The following ARHGAP23 variants were observed in gnomAD, a reference collection of about 807,000 sequenced individuals.
ARHGAP23 encodes the protein Rho GTPase activating protein 23.
ARHGAP23 carries 34 observed loss-of-function variants against 136.3 expected under a neutral mutation model. The observed-to-expected ratio is 0.25, with a 90% CI of 0.19 to 0.33. The LOEUF (loss-of-function observed/expected upper bound fraction) is 0.33. Among genes scored for constraint, ARHGAP23 ranks in the 10% least tolerant of loss-of-function variants. The pLI is 1.00. For synonymous variants in ARHGAP23, 832 were observed against 920.5 expected (o/e 0.90, Z 1.74); for missense variants, 1,808 against 2,139.0 (o/e 0.85, Z 3.05).
At chr17:38,481,723 C>T (rs942539014) in intron 14 of ARHGAP23, among the ~76,000 whole-genome samples, 6 of 152,186 alleles carry the variant, frequency 3.9e-5, no homozygotes, top group Admixed American at 3.9e-4. Context: ...CATACCACTG[C>T]ACTACAGCCT....
intron 17 of ARHGAP23, among the ~76,000 whole-genome samples, chr17:38,488,715 A>T (rs1391185208): frequency 2.6e-5 from 4 of 151,764 alleles, no homozygotes; most frequent in African/African-American, 9.7e-5. Flanking sequence ...TGCCCAGCTA[A>T]TTTTTGTATT....
chr17:38,495,921 G>C (rs894828270), intron 20 of ARHGAP23, among the ~76,000 whole-genome samples: 2 of 151,914 alleles, frequency 1.3e-5, no homozygotes, highest in African/African-American at 4.8e-5. Context: ...TTTTGAGATG[G>C]AGTTTCACTC....
chr17:38,500,665 T>C (rs2040500314), intron 23 of ARHGAP23, 37 bp downstream of exon 23: 3 of 1,539,336 alleles, frequency 1.9e-6, no homozygotes, highest in Non-Finnish European at 2.6e-6. Context: ...TTGATCCCTG[T>C]ACAAGGCAGC....
rs377221251 is a variant in ARHGAP23, at chr17:38,458,237, G to A, written c.199G>A (p.Glu67Lys). Reference sequence around the variant, plus strand: ...GCGCCACTTCATCGTGTACCCACCCGAGTCGGCCGTGCACTGCAGCCTGAA... The same window carrying A: ...GCGCCACTTCATCGTGTACCCACCCAAGTCGGCCGTGCACTGCAGCCTGAA... Reference protein sequence around the residue: ...TLRHFIVYPPESAVHCSLKEE... With the variant: ...TLRHFIVYPPKSAVHCSLKEE... Residue 67 changes from glutamate (E) to lysine (K), a missense_variant, in exon 2 of 24, where the codon GAG (glutamate) becomes AAG (lysine). Transcript: ENST00000622683. 9 of 1,532,988 alleles carry A rather than the reference G, an allele frequency of 5.9e-6. No homozygotes were observed. The highest frequency in any genetic ancestry group is 4.1e-5 in the African/African-American group (3 of 72,984). The allele number at this position is 1,532,988 out of a possible 1,614,324, so 95.0% of individuals were successfully genotyped here.
intron 6 of ARHGAP23, among the ~76,000 whole-genome samples, chr17:38,464,829 C>A (rs577096563): frequency 6.6e-6 from 1 of 152,302 alleles, no homozygotes; most frequent in African/African-American, 2.4e-5. Context: ...CACTGGCCCC[C>A]GCATCTCTGC....
chr17:38,429,439 C>T (rs183526271), intron 1 of ARHGAP23, among the ~76,000 whole-genome samples: 1 of 152,218 alleles, frequency 6.6e-6, no homozygotes, highest in African/African-American at 2.4e-5. Context: ...TCCCTGAGCT[C>T]GGAAAAGAAA....
Position 38,440,118 on chromosome 17 carries a change from A to C in ARHGAP23, c.63+11570A>C, listed in dbSNP as rs527946748. Among the ~76,000 whole-genome samples the C allele has an allele frequency of 4.6e-5, 7 of 152,252 alleles. No individual in the cohort carries two copies. In the South Asian group the frequency reaches 1.5e-3, roughly 32 times the overall value. ...CTCACTGCAACCTCCTCCTGGGTTC[A>C]AGCGATTCTCCTGCCTCAGCCTCCC... is the stretch of plus-strand genomic sequence containing the variant. On this transcript the variant is annotated intron_variant, in intron 1 of 23. Transcript: ENST00000622683.
At chr17:38,459,320 CTG>C (rs1483679758) in intron 2 of ARHGAP23, among the ~76,000 whole-genome samples, 1 of 152,192 alleles carries the variant, frequency 6.6e-6, no homozygotes, top group Non-Finnish European at 1.5e-5. Context: ...GTGTATCTCT[CTG>C]TGTGCATATA....
chr17:38,470,656 C>T (rs985757617), intron 10 of ARHGAP23, among the ~76,000 whole-genome samples: 2 of 152,058 alleles, frequency 1.3e-5, no homozygotes, highest in African/African-American at 4.8e-5. Flanking sequence ...CCTGCCTCAG[C>T]CTCCCGAGCA....
chr17:38,436,559 G>A (rs6503620), intron 1 of ARHGAP23, among the ~76,000 whole-genome samples: 71,988 of 152,158 alleles, frequency 0.47, 19,086 homozygotes, highest in East Asian at 0.68. Context: ...CTGGTTGCTC[G>A]TGCTCTGCGT....
At chr17:38,485,986 C>G in intron 16 of ARHGAP23, 76 bp from the exon 17 acceptor site, 12 of 1,399,526 alleles carry the variant, frequency 8.6e-6, no homozygotes, top group Non-Finnish European at 1.1e-5. Flanking sequence ...CTTGATTGGG[C>G]TCTGGGGTGA....
rs544299421 is a variant in ARHGAP23, at chr17:38,479,943, G to A, written c.2629+60G>A. On this transcript the variant is annotated intron_variant, in intron 14 of 23. Coordinates refer to ENST00000622683, the MANE Select transcript of ARHGAP23 (RefSeq NM_001199417.2). ...GGGGGCAGGGGGCATGGGGAGGGGA[G>A]GGCACGCGTGTGTGTGTTGGGCTGT... is the stretch of plus-strand genomic sequence containing the variant. 305 of 1,532,356 alleles carry A rather than the reference G, an allele frequency of 2.0e-4. 1 individual carries two copies. In the African/African-American group the frequency reaches 3.7e-3, roughly 19 times the overall value. The allele number at this position is 1,532,356 out of a possible 1,614,324, so 94.9% of individuals were successfully genotyped here. A position where few individuals can be genotyped will look rare whatever the true frequency, so the allele number is the denominator to read the frequency against.
chr17:38,479,792 C>T lies in ARHGAP23; in HGVS notation c.2538C>T (p.Gly846=), dbSNP rs953055438. The T allele has an allele frequency of 6.6e-7, 1 of 1,512,152 alleles. No homozygotes were observed. Among genetic ancestry groups the T allele is most frequent in the African/African-American group, 1.4e-5 (1 of 71,688 alleles). 93.7% of individuals were successfully genotyped at this position (1,512,152 alleles called of 1,614,324 possible). The change falls in exon 14 of 24, where the codon GGC becomes GGT. Residue 846 remains glycine, a synonymous_variant. Coordinates refer to ENST00000622683, the MANE Select transcript of ARHGAP23 (RefSeq NM_001199417.2). ...CCAAAGCTGATTCCTCCCCCAAAGG[C>T]TCTCGCGGCCTGGGGGGCCTCAAGT... is the stretch of plus-strand genomic sequence containing the variant. ...SGPKADSSPK[G]SRGLGGLKSE... is the part of the protein sequence containing the mutation.
upstream of ARHGAP23, among the ~76,000 whole-genome samples, chr17:38,423,886 G>A (rs752888550): frequency 6.6e-6 from 1 of 152,176 alleles, no homozygotes; most frequent in Non-Finnish European, 1.5e-5. Context: ...CTGGGGCCAG[G>A]TGTAGGTGCC....
chr17:38,460,807 T>TG (rs1271358856), intron 2 of ARHGAP23, 98 bp from the exon 3 acceptor site: 65 of 1,534,688 alleles, frequency 4.2e-5, no homozygotes, highest in Non-Finnish European at 5.3e-5. Flanking sequence ...AGATAAGGGG[T>TG]GGCGGGAACC....
chr17:38,460,801 A>G (rs1038094353), intron 2 of ARHGAP23, 104 bp from the exon 3 acceptor site: 16 of 1,534,402 alleles, frequency 1.0e-5, no homozygotes, highest in Non-Finnish European at 1.2e-5. Flanking sequence ...GGGAGGAGAT[A>G]AGGGGTGGCG....
rs1338979286 is a variant in ARHGAP23 at position 38,511,760 on chromosome 17, T to A, written c.*788T>A. On this transcript the variant is annotated 3_prime_UTR_variant, in exon 24 of 24. Coordinates refer to ENST00000622683, the MANE Select transcript of ARHGAP23 (RefSeq NM_001199417.2). Reference sequence around the variant, plus strand: ...AGTTTTTGGTGGGGGGGGTCCAGGGTCCCCCTTGCTGGTACCTCCCTCACC... The same window carrying A: ...AGTTTTTGGTGGGGGGGGTCCAGGGACCCCCTTGCTGGTACCTCCCTCACC... 6.6e-6 allele frequency: 1 copy of A among 151,904 alleles called. No individual in the cohort carries two copies. Among genetic ancestry groups the A allele is most frequent in the Non-Finnish European group, 1.5e-5 (1 of 68,052 alleles). 9.4% of individuals were successfully genotyped at this position (151,904 alleles called of 1,614,324 possible).
intron 6 of ARHGAP23, among the ~76,000 whole-genome samples, chr17:38,464,452 C>T (rs1405559222): frequency 3.9e-5 from 6 of 152,232 alleles, no homozygotes; most frequent in Admixed American, 1.3e-4. Flanking sequence ...CCCTGGGAGC[C>T]GCTGTGCTGG....
At chr17:38,440,836 G>A (rs2038904746) in intron 1 of ARHGAP23, among the ~76,000 whole-genome samples, 1 of 152,198 alleles carries the variant, frequency 6.6e-6, no homozygotes, top group African/African-American at 2.4e-5. Context: ...TAATTTCCAG[G>A]TGCCCAGCTG....
Sources: allele counts gnomAD v4.1 joint callset (sites outside exome capture counted in the v4.1 genomes callset), GRCh38; gene constraint gnomAD v4.1.1; transcripts MANE v1.5; gene names NCBI Gene and HGNC (gene_info 2026-07-23, HGNC 2026-07-21).